Variants in SYNDIG1L observed in about 807,000 individuals in gnomAD.
SYNDIG1L encodes the protein synapse differentiation-inducing gene protein 1-like.
SYNDIG1L carries 13 observed loss-of-function variants against 20.1 expected under a neutral mutation model. The observed-to-expected ratio is 0.65, with a 90% CI of 0.42 to 1.03. The LOEUF is 1.03. Among genes scored for constraint, SYNDIG1L ranks in the 50% least tolerant of loss-of-function variants. SYNDIG1L has a pLI of 0.00. For synonymous variants in SYNDIG1L, 128 were observed against 129.3 expected, an observed-to-expected ratio of 0.99 and a Z score of 0.07; for missense variants, 294 against 305.1, an observed-to-expected ratio of 0.96 and a Z score of 0.27.
At chr14:74,412,262 C>G (rs558344571) in intron 1 of SYNDIG1L, among the ~76,000 whole-genome samples, 66 of 152,326 alleles carry the variant, frequency 4.3e-4, no homozygotes, top group African/African-American at 1.4e-3. Context: ...AGATTTCCAG[C>G]AGGACTGGTC....
At chr14:74,433,069 T>C in the SYNDIG1L span, among the ~76,000 whole-genome samples, 8 of 152,346 alleles carry the variant, frequency 5.3e-5, no homozygotes, top group Admixed American at 2.0e-4. Flanking sequence ...CTCTATACAC[T>C]GTTTCATTTC....
At chr14:74,438,572 A>G in the SYNDIG1L span, among the ~76,000 whole-genome samples, 2 of 152,150 alleles carry the variant, frequency 1.3e-5, no homozygotes, top group Admixed American at 6.5e-5. Flanking sequence ...ATAGCTACAG[A>G]TCCTGGAAGC....
the SYNDIG1L span, among the ~76,000 whole-genome samples, chr14:74,450,268 T>C: frequency 6.6e-6 from 1 of 152,146 alleles, no homozygotes; most frequent in Non-Finnish European, 1.5e-5. Context: ...ATGGCTTCTC[T>C]GGTGAACTTT....
chr14:74,414,901 A>T (rs576029390), intron 1 of SYNDIG1L, among the ~76,000 whole-genome samples: 1 of 152,284 alleles, frequency 6.6e-6, no homozygotes, highest in South Asian at 2.1e-4. Context: ...GCTTCAAGGA[A>T]TCACCAAGGG....
At chr14:74,448,814 TAGA>T in the SYNDIG1L span, among the ~76,000 whole-genome samples, 1 of 151,898 alleles carries the variant, frequency 6.6e-6, no homozygotes, top group Non-Finnish European at 1.5e-5. Flanking sequence ...AAAACAGAAA[TAGA>T]AAGCAATTTG....
chr14:74,435,184 G>T, the SYNDIG1L span, among the ~76,000 whole-genome samples: 12 of 151,500 alleles, frequency 7.9e-5, no homozygotes. Context: ...CATCCTCAAG[G>T]CTCCAGCCAA....
the SYNDIG1L span, among the ~76,000 whole-genome samples, chr14:74,446,565 G>A: frequency 2.4e-4 from 36 of 149,962 alleles, no homozygotes; most frequent in African/African-American, 8.5e-4. Flanking sequence ...AAGTGCTATG[G>A]TAAAGAATTC....
In SYNDIG1L at chr14:74,409,593, G is replaced by A. The variant is rs779831303; in HGVS notation, c.152C>T (p.Ala51Val). The A allele has an allele frequency of 6.6e-7, 1 of 1,507,038 alleles. No individual in the cohort carries two copies. The highest frequency in any genetic ancestry group is 8.9e-7 in the Non-Finnish European group (1 of 1,129,254). 93.4% of individuals were successfully genotyped at this position (1,507,038 alleles called of 1,614,324 possible). Residue 51 changes from alanine (A) to valine (V), a missense_variant, in exon 2 of 4, where the codon GCC becomes GTC. Transcript: ENST00000331628. ...GGACCCTGGGTCCAGGAGCTGGTGG[G>A]CTCCGGCAGGCCCAGCGCCACCTAG... Reference protein sequence around the residue: ...YLLGGAGPAGAHQLLDPGSLQ... With the variant: ...YLLGGAGPAGVHQLLDPGSLQ...
the SYNDIG1L span, among the ~76,000 whole-genome samples, chr14:74,432,164 TGTGTGTGTGTGTGTGTGA>T: frequency 4.2e-5 from 6 of 142,196 alleles, no homozygotes; most frequent in Non-Finnish European, 6.1e-5. Context: ...TGTGTGTGTG[TGTGTGTGTGTGTGTGTGA>T]GAGAGAGAGA....
chr14:74,415,638 C>T (rs964158938), intron 1 of SYNDIG1L, among the ~76,000 whole-genome samples: 2 of 151,934 alleles, frequency 1.3e-5, no homozygotes, highest in African/African-American at 4.8e-5. Flanking sequence ...TTTTTGGGCT[C>T]AAGGGATTCT....
chr14:74,407,972 C>T lies in SYNDIG1L; in HGVS notation c.435G>A (p.Thr145=), dbSNP rs377261668. 3.0e-5 allele frequency: 49 copies of T among 1,611,944 alleles called. No homozygotes were observed. The highest frequency in any genetic ancestry group is 3.3e-4 in the Middle Eastern group (2 of 6,052). The part of the protein sequence containing the change: ...QEEEESDATS[T]ESESEDNFLT... ...GGAAGTTGTCTTCACTTTCACTCTC[C>T]GTTGAAGTGGCATCGCTCTGCAAAA... Residue 145 remains threonine (T), a synonymous_variant, in exon 3 of 4, where the codon ACG becomes ACA. Coordinates refer to ENST00000331628, the MANE Select transcript of SYNDIG1L (RefSeq NM_001105579.2).
In SYNDIG1L at chr14:74,408,006, T is replaced by G. The variant is rs1315913725; in HGVS notation, c.418-17A>C. ...GGCATCGCTCTGCAAAACAGTGGAG[T>G]TTGGTGACCAGGCCCAGGATCAGCC... is the stretch of plus-strand genomic sequence containing the variant. On this transcript the variant is annotated splice_polypyrimidine_tract_variant and intron_variant, in intron 2 of 3. Coordinates refer to ENST00000331628, the MANE Select transcript of SYNDIG1L (RefSeq NM_001105579.2). The G allele has an allele frequency of 4.4e-6, 7 of 1,594,734 alleles. No homozygotes were observed. The highest frequency in any genetic ancestry group is 6.0e-6 in the Non-Finnish European group (7 of 1,170,972).
At chr14:74,423,700 A>T (rs2086242533) in intron 1 of SYNDIG1L, among the ~76,000 whole-genome samples, 1 of 145,058 alleles carries the variant, frequency 6.9e-6, no homozygotes, top group African/African-American at 2.8e-5. Context: ...ATATACACAC[A>T]CACACACACA....
upstream of SYNDIG1L, among the ~76,000 whole-genome samples, chr14:74,427,001 CAGTG>C (rs2086272021): frequency 6.6e-6 from 1 of 151,988 alleles, no homozygotes; most frequent in Non-Finnish European, 1.5e-5. Flanking sequence ...AATAGGCACT[CAGTG>C]AGTGAGCGTC....
In SYNDIG1L at chr14:74,406,311, A is replaced by G. The variant is rs1049577404; in HGVS notation, c.*1224T>C. The G allele has an allele frequency of 1.3e-5, 5 of 383,880 alleles. No individual in the cohort carries two copies. Among genetic ancestry groups the G allele is most frequent in the Non-Finnish European group, 2.3e-5 (5 of 217,380 alleles). The allele number at this position is 383,880 out of a possible 1,614,324, so 23.8% of individuals were successfully genotyped here. A position where few individuals can be genotyped will look rare whatever the true frequency, so the allele number is the denominator to read the frequency against. ...TGGGAAAACATCATTGGTCTTTGAG[A>G]GACAGGTGTGACGTTCCTCCTTGAG... On this transcript the variant is annotated 3_prime_UTR_variant, in exon 4 of 4. Coordinates refer to ENST00000331628, the MANE Select transcript of SYNDIG1L (RefSeq NM_001105579.2).
At chr14:74,456,762 G>A in the SYNDIG1L span, among the ~76,000 whole-genome samples, 11 of 152,118 alleles carry the variant, frequency 7.2e-5, no homozygotes, top group African/African-American at 2.7e-4. Flanking sequence ...TCAGTTGGGG[G>A]CTGGACGTAT....
chr14:74,478,992 T>C, the SYNDIG1L span, among the ~76,000 whole-genome samples: 5 of 152,122 alleles, frequency 3.3e-5, no homozygotes, highest in South Asian at 2.1e-4. Flanking sequence ...GATTCAACCA[T>C]AGGCAGTCCG....
At chr14:74,414,285 C>T (rs1188232312) in intron 1 of SYNDIG1L, among the ~76,000 whole-genome samples, 1 of 152,178 alleles carries the variant, frequency 6.6e-6, no homozygotes, top group Admixed American at 6.5e-5. Context: ...TACTCTGCTC[C>T]AGAGGAACTA....
At chr14:74,460,599 AC>A in the SYNDIG1L span, among the ~76,000 whole-genome samples, 1 of 151,288 alleles carries the variant, frequency 6.6e-6, no homozygotes, top group Non-Finnish European at 1.5e-5. Flanking sequence ...CCTCGTATTG[AC>A]CCTTCCTGTT....
Sources: allele counts gnomAD v4.1 joint callset (sites outside exome capture counted in the v4.1 genomes callset), GRCh38; gene constraint gnomAD v4.1.1; transcripts MANE v1.5; gene names NCBI Gene and HGNC (gene_info 2026-07-23, HGNC 2026-07-21).